Variants in FN3KRP observed in about 807,000 individuals in gnomAD.
FN3KRP encodes fructosamine 3 kinase related protein, also known as ketosamine-3-kinase.
FN3KRP carries 33 observed loss-of-function variants against 29.8 expected under a neutral mutation model. That is an observed-to-expected ratio of 1.11 (90% CI 0.84 to 1.48). The LOEUF is 1.48. Among genes scored for constraint, FN3KRP ranks in the 40% most tolerant of loss-of-function variants. The pLI, the probability that FN3KRP is intolerant of heterozygous loss-of-function variation, is 0.00. For synonymous variants in FN3KRP, 157 were observed against 155.2 expected (o/e 1.01, Z -0.09); for missense variants, 430 against 402.6 (o/e 1.07, Z -0.58).
chr17:82,720,227 C>T, intron 2 of FN3KRP, 45 bp from the exon 3 acceptor site: 6 of 1,512,440 alleles, frequency 4.0e-6, no homozygotes, highest in South Asian at 1.1e-5. Flanking sequence ...GGTGTGTTGC[C>T]ATTCTGTGTG....
chr17:82,723,655 ACGCGTGTGCG>A (rs2046816916), intron 4 of FN3KRP, among the ~76,000 whole-genome samples: 1 of 151,950 alleles, frequency 6.6e-6, no homozygotes, highest in Admixed American at 6.6e-5. Context: ...GCATGTGTGT[ACGCGTGTGCG>A]CGCACATGTA....
chr17:82,725,515 T>C (rs2046830704), intron 4 of FN3KRP, among the ~76,000 whole-genome samples: 1 of 152,034 alleles, frequency 6.6e-6, no homozygotes, highest in South Asian at 2.1e-4. Context: ...AGTGGTGCGA[T>C]CTTGGCTCAC....
At position 82,720,377 on chromosome 17, in the gene FN3KRP, C is replaced by A; in HGVS notation, c.385+14C>A. The A allele has an allele frequency of 6.2e-7, 1 of 1,603,116 alleles. No individual in the cohort carries two copies. Among genetic ancestry groups the A allele is most frequent in the Admixed American group, 1.7e-5 (1 of 59,508 alleles). On this transcript the variant is annotated intron_variant, in intron 3 of 5. Coordinates refer to ENST00000269373, the MANE Select transcript of FN3KRP (RefSeq NM_024619.4). ...CGGGCACAGTGGGTATGGCACTGCG[C>A]GGGCCACGGGTGCTCCCGCCTAGAG... is the stretch of plus-strand genomic sequence containing the variant.
rs1287783488 is a variant in FN3KRP at position 82,727,932 on chromosome 17, AAG to A, written c.*765_*766del. 7 of 152,342 alleles carry A rather than the reference AAG, an allele frequency of 4.6e-5. 2 individuals carry two copies. The highest frequency in any genetic ancestry group is 3.9e-4 in the Admixed American group (6 of 15,284). 9.4% of individuals were successfully genotyped at this position (152,342 alleles called of 1,614,324 possible). The stretch of plus-strand genomic sequence containing the variant: ...TTTTCCTTCCTTCACTGTTGTAGTA[AAG>A]AGACATATTTCATGAATGGCATTGA... On this transcript the variant is annotated 3_prime_UTR_variant, in exon 6 of 6. Transcript: ENST00000269373.
chr17:82,721,898 G>A (rs1266886391), intron 3 of FN3KRP, among the ~76,000 whole-genome samples: 5 of 152,064 alleles, frequency 3.3e-5, no homozygotes, highest in South Asian at 2.1e-4. Context: ...GCAGTGGCGC[G>A]ATCTCAGCTC....
intron 4 of FN3KRP, among the ~76,000 whole-genome samples, chr17:82,723,422 C>A (rs1192376464): frequency 6.6e-6 from 1 of 151,958 alleles, no homozygotes; most frequent in Admixed American, 6.6e-5. Flanking sequence ...GAGTGGTGCC[C>A]TCTGGTCCTG....
Position 82,726,974 on chromosome 17 carries a change from G to C in FN3KRP, c.733G>C (p.Glu245Gln). The stretch of plus-strand genomic sequence containing the variant: ...TTCTTTCTACGGCCACTCGGAATAT[G>C]AGCTGGCAATAGCTGGCATGTTTGG... The part of the protein sequence containing the change: ...PASFYGHSEY[E>Q]LAIAGMFGGF... The change falls in exon 6 of 6, where the codon GAG becomes CAG. Residue 245 changes from glutamate to glutamine, a missense_variant. Physicochemically the swap from Glu to Gln is conservative, Grantham distance 29 (BLOSUM62 2). Coordinates refer to ENST00000269373, the MANE Select transcript of FN3KRP (RefSeq NM_024619.4). The C allele has an allele frequency of 6.2e-7, 1 of 1,614,088 alleles. No individual in the cohort carries two copies. The highest frequency in any genetic ancestry group is 8.5e-7 in the Non-Finnish European group (1 of 1,180,018).
In FN3KRP at chr17:82,727,073, C is replaced by T. The variant is rs2046843855; in HGVS notation, c.832C>T (p.Gln278Ter). The stretch of plus-strand genomic sequence containing the variant: ...GGCCCCAGGATTCGAGAAGCGCCTT[C>T]AGTTGTATCAGCTCTTTCACTACTT... ...PKAPGFEKRL[Q>*]LYQLFHYLNH... Residue 278 changes from glutamine to a stop codon, truncating the protein, a stop_gained, in exon 6 of 6, where the codon CAG (glutamine) becomes TAG (stop). Coordinates refer to ENST00000269373, the MANE Select transcript of FN3KRP (RefSeq NM_024619.4). LOFTEE classifies it high-confidence loss of function. 2 of 1,614,174 alleles carry T rather than the reference C, an allele frequency of 1.2e-6. No homozygotes were observed. Among genetic ancestry groups the T allele is most frequent in the South Asian group, 2.2e-5 (2 of 91,088 alleles).
chr17:82,722,968 T>C (rs1270282153), intron 4 of FN3KRP, 82 bp downstream of exon 4: 1 of 1,246,930 alleles, frequency 8.0e-7, no homozygotes, highest in Non-Finnish European at 1.1e-6. Flanking sequence ...CCCCCCTCCT[T>C]TTTTTGTGAG....
chr17:82,723,352 G>A (rs145040306), intron 4 of FN3KRP, among the ~76,000 whole-genome samples: 33 of 152,222 alleles, frequency 2.2e-4, no homozygotes, highest in African/African-American at 7.5e-4. Context: ...TGGCGGGCGC[G>A]GGGGCAGTAG....
rs1477469888 is a variant in FN3KRP at position 82,716,746 on chromosome 17, C to G, written c.-10C>G. 2 of 1,485,514 alleles carry G rather than the reference C, an allele frequency of 1.3e-6. No homozygotes were observed. Among genetic ancestry groups the G allele is most frequent in the Non-Finnish European group, 8.9e-7 (1 of 1,123,802 alleles). 92.0% of individuals were successfully genotyped at this position (1,485,514 alleles called of 1,614,324 possible). A position where few individuals can be genotyped will look rare whatever the true frequency, so the allele number is the denominator to read the frequency against. On this transcript the variant is annotated 5_prime_UTR_variant, in exon 1 of 6. Transcript: ENST00000269373. ...CAGATCCGGGGCGGGTCCGCGGCCG[C>G]GGCGGGAACATGGAGGAGCTCCTGA...
chr17:82,726,430 C>T, intron 4 of FN3KRP, 50 bp from the exon 5 acceptor site: 4 of 1,591,654 alleles, frequency 2.5e-6, no homozygotes, highest in Non-Finnish European at 3.4e-6. Context: ...TGAGCTCTCC[C>T]TTGGTTCTGG....
At chr17:82,722,170 C>T (rs373938466) in intron 3 of FN3KRP, among the ~76,000 whole-genome samples, 10 of 129,804 alleles carry the variant, frequency 7.7e-5, no homozygotes, top group South Asian at 2.5e-4. Flanking sequence ...GTTTCACTCT[C>T]GTTGCCCAGG....
intron 4 of FN3KRP, among the ~76,000 whole-genome samples, chr17:82,724,145 T>G (rs1213562440): frequency 2.0e-5 from 3 of 150,828 alleles, no homozygotes; most frequent in Non-Finnish European, 2.9e-5. Flanking sequence ...ATACAAAAAA[T>G]TAGCAGGGTG....
intron 2 of FN3KRP, among the ~76,000 whole-genome samples, chr17:82,719,830 C>G (rs935169633): frequency 6.6e-6 from 1 of 152,090 alleles, no homozygotes; most frequent in Non-Finnish European, 1.5e-5. Context: ...CACCTTTATC[C>G]CCCTCTTGCT....
rs531593191 is a variant in FN3KRP, at chr17:82,716,958, C to T, written c.141+62C>T. Reference sequence around the variant, plus strand: ...TCTTTCCGGAGAGGGTCGCGGGCCTCGGCGCGGGGCGCGGCCTGGGCTTCT... The same window carrying T: ...TCTTTCCGGAGAGGGTCGCGGGCCTTGGCGCGGGGCGCGGCCTGGGCTTCT... On this transcript the variant is annotated intron_variant, in intron 1 of 5. Coordinates refer to ENST00000269373, the MANE Select transcript of FN3KRP (RefSeq NM_024619.4). 350 of 1,512,666 alleles carry T rather than the reference C, an allele frequency of 2.3e-4. 2 individuals carry two copies. In the South Asian group the frequency reaches 3.9e-3, roughly 17 times the overall value. The allele number at this position is 1,512,666 out of a possible 1,614,324, so 93.7% of individuals were successfully genotyped here.
At position 82,716,910 on chromosome 17, in the gene FN3KRP, T is replaced by C. The variant is rs780942002; in HGVS notation, c.141+14T>C. 1 of 1,530,484 alleles carries C rather than the reference T, an allele frequency of 6.5e-7. No individual in the cohort carries two copies. The highest frequency in any genetic ancestry group is 8.8e-7 in the Non-Finnish European group (1 of 1,130,744). The allele number at this position is 1,530,484 out of a possible 1,614,324, so 94.8% of individuals were successfully genotyped here. A position where few individuals can be genotyped will look rare whatever the true frequency, so the allele number is the denominator to read the frequency against. ...CCCAAGGCGGAGGTCAGGCAGCGGG[T>C]CGGGCGGGCCGGGGGACCGGTTTCT... On this transcript the variant is annotated intron_variant, in intron 1 of 5. Transcript: ENST00000269373.
chr17:82,721,659 C>G (rs554959908), intron 3 of FN3KRP, among the ~76,000 whole-genome samples: 1 of 150,134 alleles, frequency 6.7e-6, no homozygotes, highest in Non-Finnish European at 1.5e-5. Flanking sequence ...CCTGCCACCA[C>G]GCCTGGCTAA....
rs1160085825 is a variant in FN3KRP at position 82,720,190 on chromosome 17, C to T, written c.294-82C>T. ...CAAAAAAATAAAAAAGTTTGACCCTCTTTATGTGCCCTGAGACTGAGCAGT... is the reference window on the plus strand; with the variant it reads ...CAAAAAAATAAAAAAGTTTGACCCTTTTTATGTGCCCTGAGACTGAGCAGT... On this transcript the variant is annotated intron_variant, in intron 2 of 5. Coordinates refer to ENST00000269373, the MANE Select transcript of FN3KRP (RefSeq NM_024619.4). The T allele has an allele frequency of 1.3e-5, 15 of 1,160,312 alleles. No individual in the cohort carries two copies. In the Admixed American group the frequency reaches 1.4e-4, roughly 11 times the overall value. The allele number at this position is 1,160,312 out of a possible 1,614,324, so 71.9% of individuals were successfully genotyped here.
Sources: gnomAD v4.1 joint callset for allele counts (sites outside exome capture counted in the v4.1 genomes callset) on GRCh38, gnomAD v4.1.1 for gene constraint, MANE v1.5 for transcripts, NCBI Gene and HGNC (gene_info 2026-07-23, HGNC 2026-07-21) for gene names.